The following ULK4 variants were observed in gnomAD, a reference collection of about 807,000 sequenced individuals.
ULK4 encodes inactive serine/threonine-protein kinase ULK4.
In ULK4, 133 loss-of-function variants were observed where a neutral mutation model predicts 160.6. The observed-to-expected ratio is 0.83, with a 90% CI of 0.72 to 0.96. The LOEUF is 0.96. Among genes scored for constraint, ULK4 ranks in the 40% least tolerant of loss-of-function variants. The probability of loss-of-function intolerance (pLI) is 0.00; values close to 1 mark genes in which losing one functional copy is unlikely to be tolerated. For synonymous variants in ULK4, 534 were observed against 539.8 expected, an observed-to-expected ratio of 0.99 and a Z score of 0.15; for missense variants, 1,580 against 1,499.5, an observed-to-expected ratio of 1.05 and a Z score of -0.89.
At chr3:41,394,175 C>T (rs959900224) in intron 35 of ULK4, among the ~76,000 whole-genome samples, 1 of 151,976 alleles carries the variant, frequency 6.6e-6, no homozygotes, top group Non-Finnish European at 1.5e-5. Context: ...ACATTACTAC[C>T]CAGGAACAAG....
At chr3:41,509,754 C>T (rs1369972459) in intron 32 of ULK4, among the ~76,000 whole-genome samples, 9 of 152,184 alleles carry the variant, frequency 5.9e-5, no homozygotes, top group Non-Finnish European at 5.9e-5. Flanking sequence ...AAGACACAGT[C>T]TTTTCCAGAC....
intron 32 of ULK4, among the ~76,000 whole-genome samples, chr3:41,553,974 A>G (rs1387995039): frequency 6.6e-6 from 1 of 151,968 alleles, no homozygotes; most frequent in African/African-American, 2.4e-5. Context: ...CACTTCCCCC[A>G]CCACCAAAAC....
chr3:41,359,636 TGA>T, intron 35 of ULK4, among the ~76,000 whole-genome samples: 1 of 152,272 alleles, frequency 6.6e-6, no homozygotes, highest in Middle Eastern at 3.4e-3. Context: ...CTGGAGACAG[TGA>T]GTCTAGACAA....
At chr3:41,886,929 G>A (rs1221194148) in intron 16 of ULK4, among the ~76,000 whole-genome samples, 1 of 152,066 alleles carries the variant, frequency 6.6e-6, no homozygotes, top group Non-Finnish European at 1.5e-5. Flanking sequence ...CCATAGTAGT[G>A]GTAAACTTCA....
At chr3:41,883,051 T>C (rs1307347961) in intron 17 of ULK4, among the ~76,000 whole-genome samples, 1 of 152,166 alleles carries the variant, frequency 6.6e-6, no homozygotes, top group Non-Finnish European at 1.5e-5. Flanking sequence ...TCCAGCAGTT[T>C]GCAGGAAATA....
chr3:41,746,272 C>CAAAAAAGAA (rs2038416465), intron 22 of ULK4, among the ~76,000 whole-genome samples: 1 of 45,728 alleles, frequency 2.2e-5, no homozygotes, highest in African/African-American at 1.1e-4. Context: ...CTGGAACCCA[C>CAAAAAAGAA]AAAAAAAAAA....
At chr3:41,530,562 C>T (rs955138727) in intron 32 of ULK4, among the ~76,000 whole-genome samples, 1 of 152,158 alleles carries the variant, frequency 6.6e-6, no homozygotes, top group Non-Finnish European at 1.5e-5. Context: ...TGACCCAACG[C>T]TGGCAATTTG....
chr3:41,806,596 T>C (rs2040650876), intron 19 of ULK4, among the ~76,000 whole-genome samples: 1 of 152,170 alleles, frequency 6.6e-6, no homozygotes, highest in African/African-American at 2.4e-5. Flanking sequence ...ATTTTGGATC[T>C]TTCCTGCTTT....
chr3:41,708,289 C>G (rs933898381), intron 25 of ULK4, among the ~76,000 whole-genome samples: 3 of 152,176 alleles, frequency 2.0e-5, no homozygotes, highest in Admixed American at 6.5e-5. Context: ...ATCAACTCAA[C>G]TGTCCATCAA....
intron 16 of ULK4, among the ~76,000 whole-genome samples, chr3:41,887,793 C>G (rs899583057): frequency 6.6e-6 from 1 of 151,944 alleles, no homozygotes; most frequent in Admixed American, 6.6e-5. Flanking sequence ...TACTGCACTC[C>G]CGCCTGGGTG....
At chr3:41,746,263 T>A (rs182979322) in intron 22 of ULK4, among the ~76,000 whole-genome samples, 54 of 84,288 alleles carry the variant, frequency 6.4e-4, no homozygotes, top group African/African-American at 4.4e-3. Flanking sequence ...GAAAATCTCC[T>A]GGAACCCACA....
At chr3:41,573,556 G>A (rs1176309473) in intron 31 of ULK4, among the ~76,000 whole-genome samples, 2 of 152,148 alleles carry the variant, frequency 1.3e-5, no homozygotes, top group Non-Finnish European at 2.9e-5. Flanking sequence ...ATTTAACAAT[G>A]AATTAACAGC....
At chr3:41,417,035 C>G (rs1332623384) in intron 34 of ULK4, among the ~76,000 whole-genome samples, 1 of 152,136 alleles carries the variant, frequency 6.6e-6, no homozygotes, top group African/African-American at 2.4e-5. Flanking sequence ...TGTGAAGACG[C>G]AGAATGCATT....
At chr3:41,562,546 T>C (rs2087625221) in intron 32 of ULK4, among the ~76,000 whole-genome samples, 1 of 152,234 alleles carries the variant, frequency 6.6e-6, no homozygotes, top group Non-Finnish European at 1.5e-5. Flanking sequence ...TGAGTGATAC[T>C]GTATTAGGTG....
intron 35 of ULK4, among the ~76,000 whole-genome samples, chr3:41,271,186 T>A (rs1018526125): frequency 1.3e-5 from 2 of 152,126 alleles, no homozygotes; most frequent in Non-Finnish European, 2.9e-5. Context: ...TCATTCCTCA[T>A]GCCCGTTTGT....
intron 32 of ULK4, among the ~76,000 whole-genome samples, chr3:41,558,956 A>T (rs1212261058): frequency 1.5e-5 from 2 of 136,988 alleles, no homozygotes; most frequent in African/African-American, 5.0e-5. Flanking sequence ...TACATGTGCC[A>T]TGCTGGTGTG....
At chr3:41,500,903 G>T (rs765640280) in intron 32 of ULK4, among the ~76,000 whole-genome samples, 1 of 152,044 alleles carries the variant, frequency 6.6e-6, no homozygotes, top group Non-Finnish European at 1.5e-5. Flanking sequence ...CTTTGTTTTT[G>T]TTTCTCCAGT....
At chr3:41,308,919 TAAG>T (rs1316192016) in intron 35 of ULK4, among the ~76,000 whole-genome samples, 2 of 152,134 alleles carry the variant, frequency 1.3e-5, no homozygotes, top group African/African-American at 4.8e-5. Flanking sequence ...AAAATATGTA[TAAG>T]AAGAGGGTAG....
intron 31 of ULK4, among the ~76,000 whole-genome samples, chr3:41,577,075 C>G (rs1197848047): frequency 6.6e-6 from 1 of 152,144 alleles, no homozygotes; most frequent in African/African-American, 2.4e-5. Context: ...TTGGTACTCA[C>G]AGTTTCAGTT....
Sources: gnomAD v4.1 joint callset for allele counts (sites outside exome capture counted in the v4.1 genomes callset) on GRCh38, gnomAD v4.1.1 for gene constraint, MANE v1.5 for transcripts, NCBI Gene and HGNC (gene_info 2026-07-23, HGNC 2026-07-21) for gene names.